The following TENM4 variants were observed in gnomAD, a reference collection of about 807,000 sequenced individuals.
The protein encoded by TENM4 is teneurin-4.
Under a neutral mutation model 243.3 loss-of-function variants are expected in TENM4, and 82 were observed. The observed-to-expected ratio is 0.34, with a 90% CI of 0.28 to 0.40. The LOEUF is 0.40. TENM4 is among the 10% of genes least tolerant of loss of function. The pLI, the probability that TENM4 is intolerant of heterozygous loss-of-function variation, is 1.00. For missense variants in TENM4, 3,138 were observed against 3,673.3 expected (o/e 0.85, Z 3.77); for synonymous variants, 1,412 against 1,456.3 (o/e 0.97, Z 0.69).
chr11:79,167,181 T>C (rs1862933529), intron 3 of TENM4, among the ~76,000 whole-genome samples: 1 of 152,204 alleles, frequency 6.6e-6, no homozygotes, highest in African/African-American at 2.4e-5. Context: ...CTTCCATACT[T>C]AGCATTTTCT....
intron 1 of TENM4, among the ~76,000 whole-genome samples, chr11:79,334,900 A>G (rs1243861130): frequency 1.3e-5 from 2 of 152,028 alleles, no homozygotes; most frequent in Non-Finnish European, 2.9e-5. Context: ...GATGTCACCA[A>G]CTTCCCATGA....
chr11:79,400,749 C>T (rs1858444015), intron 1 of TENM4, among the ~76,000 whole-genome samples: 1 of 152,202 alleles, frequency 6.6e-6, no homozygotes, highest in Non-Finnish European at 1.5e-5. Context: ...AGAGGAAACA[C>T]ACAATTGAAG....
chr11:78,833,783 TTA>T (rs139952391), intron 12 of TENM4, among the ~76,000 whole-genome samples: 3,977 of 152,272 alleles, frequency 0.026, 168 homozygotes, highest in African/African-American at 0.091. Flanking sequence ...ATGGCTGACG[TTA>T]TCTTTCTTTT....
At chr11:78,713,858 A>G (rs1859459663) in intron 25 of TENM4, among the ~76,000 whole-genome samples, 1 of 152,172 alleles carries the variant, frequency 6.6e-6, no homozygotes, top group Non-Finnish European at 1.5e-5. Flanking sequence ...AGTCTAGGGC[A>G]CATCGGAGTT....
intron 6 of TENM4, among the ~76,000 whole-genome samples, chr11:78,979,370 C>T (rs1857738617): frequency 6.6e-6 from 1 of 152,166 alleles, no homozygotes; most frequent in Non-Finnish European, 1.5e-5. Flanking sequence ...ATGCAATTCC[C>T]CTACAATGCT....
At chr11:79,249,087 G>T (rs891788266) in intron 2 of TENM4, among the ~76,000 whole-genome samples, 12 of 152,172 alleles carry the variant, frequency 7.9e-5, no homozygotes, top group Non-Finnish European at 1.8e-4. Context: ...CTAGTAGCAT[G>T]CAGTAACAAT....
In TENM4 at chr11:78,903,359, G is replaced by C; in HGVS notation, c.658C>G (p.Leu220Val). 6.7e-7 allele frequency: 1 copy of C among 1,496,468 alleles called. No individual in the cohort carries two copies. Among genetic ancestry groups the C allele is most frequent in the Non-Finnish European group, 8.9e-7 (1 of 1,123,484 alleles). 92.7% of individuals were successfully genotyped at this position (1,496,468 alleles called of 1,614,324 possible). ...CCGCCGGCAGGGGGCTCTCCGGAGA[G>C]CGAGTGGTCCGTGGGGGCCGGGCTG... ...NPSPAPTDHS[L>V]SGEPPAGGAQ... Residue 220 changes from leucine to valine, a missense_variant, in exon 7 of 34, where the codon CTC becomes GTC. Around this residue, in one of 2 missense-constraint regions of TENM4, gnomAD observed 671 missense variants for 614.1 expected, o/e 1.09. Transcript: ENST00000278550.
chr11:79,025,074 G>GGGGA (rs1329387108), intron 6 of TENM4, among the ~76,000 whole-genome samples: 10 of 152,204 alleles, frequency 6.6e-5, no homozygotes, highest in African/African-American at 2.2e-4. Context: ...GAGGATGCCA[G>GGGGA]GGGAGGAAGG....
rs138167302 is a variant in TENM4 at position 78,820,916 on chromosome 11, G to A, written c.1682-6521C>T. 1.9e-3 allele frequency among the ~76,000 whole-genome samples: 296 copies of A among 152,354 alleles called. 2 individuals carry two copies. Among genetic ancestry groups the A allele is most frequent in the African/African-American group, 6.8e-3 (283 of 41,582 alleles). On this transcript the variant is annotated intron_variant, in intron 12 of 33. Coordinates refer to ENST00000278550, the MANE Select transcript of TENM4 (RefSeq NM_001098816.3). The stretch of plus-strand genomic sequence containing the variant: ...CCCATTGCACTCTAGATTGGCACTG[G>A]GCAGGTGCCAGGTGCTGGAAAGCTG...
At chr11:78,893,931 C>A (rs1306428258) in intron 7 of TENM4, among the ~76,000 whole-genome samples, 1 of 152,222 alleles carries the variant, frequency 6.6e-6, no homozygotes. Context: ...GATTATTGTG[C>A]TTTTTCCTAA....
intron 2 of TENM4, among the ~76,000 whole-genome samples, chr11:79,267,786 G>A (rs1855906092): frequency 3.3e-5 from 5 of 152,270 alleles, no homozygotes; most frequent in African/African-American, 9.6e-5. Flanking sequence ...CAGAAAGTAG[G>A]TATTTGTCTC....
chr11:78,755,160 G>T (rs541809362), intron 19 of TENM4, among the ~76,000 whole-genome samples: 19 of 152,034 alleles, frequency 1.2e-4, no homozygotes, highest in African/African-American at 4.3e-4. Context: ...TATTCCCCTT[G>T]AGCAAGGTTT....
chr11:79,100,758 G>C (rs1861209213), intron 4 of TENM4, among the ~76,000 whole-genome samples: 1 of 152,148 alleles, frequency 6.6e-6, no homozygotes, highest in Non-Finnish European at 1.5e-5. Flanking sequence ...ACCTGCTCCA[G>C]GAATAAACTT....
At chr11:79,329,350 T>C (rs1857024643) in intron 1 of TENM4, among the ~76,000 whole-genome samples, 1 of 152,204 alleles carries the variant, frequency 6.6e-6, no homozygotes, top group African/African-American at 2.4e-5. Context: ...ACATCTTCTC[T>C]TGGAGACAGA....
chr11:79,401,161 C>T (rs1336444795), intron 1 of TENM4, among the ~76,000 whole-genome samples: 1 of 152,180 alleles, frequency 6.6e-6, no homozygotes, highest in East Asian at 1.9e-4. Flanking sequence ...TTCTGGTGTC[C>T]TTCACCTTTT....
chr11:78,805,282 C>CCCCCCCCCCCCCCCCCCCCCCAAAA lies in TENM4; in HGVS notation c.2179+9_2179+10insTTTTGGGGGGGGGGGGGGGGGGGGG. The CCCCCCCCCCCCCCCCCCCCCCAAAA allele has an allele frequency of 9.0e-6, 9 of 995,552 alleles. No homozygotes were observed. Among genetic ancestry groups the CCCCCCCCCCCCCCCCCCCCCCAAAA allele is most frequent in the Non-Finnish European group, 9.7e-6 (8 of 823,776 alleles). The allele number at this position is 995,552 out of a possible 1,614,324, so 61.7% of individuals were successfully genotyped here. ...CCCTCTACCCATGCTTCTTCTCCCC[C>CCCCCCCCCCCCCCCCCCCCCCAAAA]TGCATTTACCGATAGAACAGTCGTG... On this transcript the variant is annotated intron_variant, in intron 15 of 33. Transcript: ENST00000278550.
intron 4 of TENM4, among the ~76,000 whole-genome samples, chr11:79,113,778 C>T (rs1265874751): frequency 6.6e-6 from 1 of 152,114 alleles, no homozygotes; most frequent in Non-Finnish European, 1.5e-5. Flanking sequence ...CAGAGGCTGT[C>T]CTGGGGCCCA....
chr11:79,318,138 G>T (rs1358845241), intron 1 of TENM4, among the ~76,000 whole-genome samples: 2 of 152,150 alleles, frequency 1.3e-5, no homozygotes, highest in African/African-American at 2.4e-5. Context: ...GAGAAATGAT[G>T]ATTTAAAAAT....
At chr11:79,206,295 T>A (rs1460911604) in intron 3 of TENM4, among the ~76,000 whole-genome samples, 1 of 152,078 alleles carries the variant, frequency 6.6e-6, no homozygotes, top group African/African-American at 2.4e-5. Context: ...TTGAGAGAGA[T>A]CTAGAATTGC....
Sources: gnomAD v4.1 joint callset for allele counts (sites outside exome capture counted in the v4.1 genomes callset) on GRCh38, gnomAD v4.1.1 for gene constraint, gnomAD v4.1.1 regional missense constraint, MANE v1.5 for transcripts, NCBI Gene and HGNC (gene_info 2026-07-23, HGNC 2026-07-21) for gene names.